The following ADAMTS2 variants were observed in gnomAD, a reference collection of about 807,000 sequenced individuals.
ADAMTS2 encodes ADAM metallopeptidase with thrombospondin type 1 motif 2.
In ADAMTS2, 50 loss-of-function variants were observed where a neutral mutation model predicts 123.0. The ratio of observed to expected loss-of-function variants is 0.41; its 90% CI spans 0.32 to 0.51. The LOEUF (loss-of-function observed/expected upper bound fraction) is 0.51. ADAMTS2 is among the 20% of genes least tolerant of loss of function. The pLI, the probability that ADAMTS2 is intolerant of heterozygous loss-of-function variation, is 0.35. For synonymous variants in ADAMTS2, 678 were observed against 695.4 expected (o/e 0.98, Z 0.39); for missense variants, 1,494 against 1,705.2 (o/e 0.88, Z 2.18).
intron 2 of ADAMTS2, among the ~76,000 whole-genome samples, chr5:179,294,790 T>C (rs997584063): frequency 6.6e-6 from 1 of 152,242 alleles, no homozygotes; most frequent in African/African-American, 2.4e-5. Flanking sequence ...AATGTCAACA[T>C]TTTCCCTGAA....
At position 179,129,876 on chromosome 5, in the gene ADAMTS2, C is replaced by T. The variant is rs1762928227; in HGVS notation, c.2457+56G>A. On this transcript the variant is annotated intron_variant, in intron 16 of 21. Coordinates refer to ENST00000251582, the MANE Select transcript of ADAMTS2 (RefSeq NM_014244.5). This position sits in a 1 kb window ranked among gnomAD's most constrained non-coding sequence, Gnocchi z 4.1. ...GGCTCAGCGTCCCAGGCACCCCCATCCCTCCCCCAGTGGCCACCCGCACCC... is the reference window on the plus strand; with the variant it reads ...GGCTCAGCGTCCCAGGCACCCCCATTCCTCCCCCAGTGGCCACCCGCACCC... The T allele has an allele frequency of 1.2e-6, 2 of 1,606,102 alleles. No individual in the cohort carries two copies. The highest frequency in any genetic ancestry group is 1.1e-5 in the South Asian group (1 of 90,902).
chr5:179,209,771 G>C (rs1318827090), intron 3 of ADAMTS2, among the ~76,000 whole-genome samples: 1 of 152,174 alleles, frequency 6.6e-6, no homozygotes, highest in Non-Finnish European at 1.5e-5. Flanking sequence ...AAGCCTGACA[G>C]GGGGGTTGAG....
chr5:179,198,435 A>G (rs1300796957), intron 4 of ADAMTS2, among the ~76,000 whole-genome samples: 1 of 152,196 alleles, frequency 6.6e-6, no homozygotes, highest in Non-Finnish European at 1.5e-5. Flanking sequence ...GGCATCCCCA[A>G]GGGGCCTCAG....
At chr5:179,191,690 C>T (rs1561797200) in intron 4 of ADAMTS2, among the ~76,000 whole-genome samples, 1 of 152,138 alleles carries the variant, frequency 6.6e-6, no homozygotes, top group South Asian at 2.1e-4. Flanking sequence ...AGCCCTATCC[C>T]TACCGCTGCC....
rs905982808 is a variant in ADAMTS2 at position 179,179,837 on chromosome 5, G to A, written c.975+1235C>T. Among the ~76,000 whole-genome samples the A allele has an allele frequency of 2.6e-5, 4 of 152,292 alleles. No homozygotes were observed. In the South Asian group the frequency reaches 8.3e-4, roughly 32 times the overall value. On this transcript the variant is annotated intron_variant, in intron 5 of 21. Transcript: ENST00000251582. ...TTTTACATCGTGTGCCTTATAAGTT[G>A]TATGCAGTTTGATTTTATTTTTTGA...
At position 179,121,683 on chromosome 5, in the gene ADAMTS2, C is replaced by A. The variant is rs763966576; in HGVS notation, c.3156G>T (p.Ser1052=). Residue 1052 remains serine, a synonymous_variant, in exon 21 of 22, where the codon TCG becomes TCT. Coordinates refer to ENST00000251582, the MANE Select transcript of ADAMTS2 (RefSeq NM_014244.5). The part of the protein sequence containing the change: ...VQWLSRPDPD[S]PIRKISSKGH... ...TACTTGACGAGATCTTCCGGATGGG[C>A]GAGTCGGGGTCCGGGCGGGACAGCC... The A allele has an allele frequency of 1.3e-6, 2 of 1,598,304 alleles. No homozygotes were observed. The highest frequency in any genetic ancestry group is 1.3e-5 in the African/African-American group (1 of 74,394).
At chr5:179,173,246 T>TAATAATAATAATAATAAA (rs949374832) in intron 5 of ADAMTS2, among the ~76,000 whole-genome samples, 1 of 146,500 alleles carries the variant, frequency 6.8e-6, no homozygotes, top group South Asian at 2.2e-4. Flanking sequence ...ATAATAATAA[T>TAATAATAATAATAATAAA]AAAAACCATG....
chr5:179,252,546 TA>T (rs1765953860), intron 3 of ADAMTS2, among the ~76,000 whole-genome samples: 1 of 152,146 alleles, frequency 6.6e-6, no homozygotes. Context: ...TATTTAAAAG[TA>T]TTTTTTTTAA....
chr5:179,197,373 C>T lies in ADAMTS2; in HGVS notation c.891+10140G>A, dbSNP rs1204623756. ...GAAATGCTTGAAGCCACAAAGGAAG[C>T]TTCAGCCTTGGGCCCAAGCTTTATA... On this transcript the variant is annotated intron_variant, in intron 4 of 21. Transcript: ENST00000251582. This position sits in a 1 kb window ranked among gnomAD's most constrained non-coding sequence, Gnocchi z 4.2. Among the ~76,000 whole-genome samples, 1 of 152,196 alleles carries T rather than the reference C, an allele frequency of 6.6e-6. No individual in the cohort carries two copies. Among genetic ancestry groups the T allele is most frequent in the Non-Finnish European group, 1.5e-5 (1 of 68,030 alleles).
chr5:179,315,039 C>CG (rs1013517735), intron 2 of ADAMTS2, among the ~76,000 whole-genome samples: 1 of 120,748 alleles, frequency 8.3e-6, no homozygotes, highest in African/African-American at 2.8e-5. Flanking sequence ...CCTACACCCA[C>CG]CCCCCCCACA....
Position 179,181,438 on chromosome 5 carries a change from A to T in ADAMTS2, c.892-283T>A, listed in dbSNP as rs578049453. 6.6e-6 allele frequency among the ~76,000 whole-genome samples: 1 copy of T among 152,266 alleles called. No individual in the cohort carries two copies. Among genetic ancestry groups the T allele is most frequent in the South Asian group, 2.1e-4 (1 of 4,814 alleles). Reference sequence around the variant, plus strand: ...TGGGGCCTGAACATGGAACGTGGGCAGGGAAAGCAGCCCTACGCTTGCTGT... The same window carrying T: ...TGGGGCCTGAACATGGAACGTGGGCTGGGAAAGCAGCCCTACGCTTGCTGT... On this transcript the variant is annotated intron_variant, in intron 4 of 21. Transcript: ENST00000251582. This position sits in a 1 kb window ranked among gnomAD's most constrained non-coding sequence, Gnocchi z 4.1.
At chr5:179,301,329 C>G (rs1415133988) in intron 2 of ADAMTS2, among the ~76,000 whole-genome samples, 1 of 152,214 alleles carries the variant, frequency 6.6e-6, no homozygotes. Context: ...CTCTGCTTTT[C>G]CGTGTCTAAA....
intron 2 of ADAMTS2, among the ~76,000 whole-genome samples, chr5:179,286,454 G>A (rs902394493): frequency 2.6e-5 from 4 of 152,084 alleles, no homozygotes; most frequent in Non-Finnish European, 5.9e-5. Flanking sequence ...TGCTCAGGGG[G>A]CTGGGGTGGC....
chr5:179,173,216 TAATAA>T (rs1763861061), intron 5 of ADAMTS2, among the ~76,000 whole-genome samples: 1 of 23,864 alleles, frequency 4.2e-5, no homozygotes, highest in Admixed American at 6.3e-4. Context: ...CATCTCTTAA[TAATAA>T]TAATAATAAT....
rs544769309 is a variant in ADAMTS2 at position 179,188,430 on chromosome 5, G to A, written c.892-7275C>T. ...AGGGGACAGAGGTCTGCTGGCCTCC[G>A]TGGAGGAAGAGTTTAGGCATTGCAT... On this transcript the variant is annotated intron_variant, in intron 4 of 21. Coordinates refer to ENST00000251582, the MANE Select transcript of ADAMTS2 (RefSeq NM_014244.5). The surrounding 1 kb of genome is among the most constrained non-coding windows in gnomAD (Gnocchi z 5.1). Among the ~76,000 whole-genome samples, 10 of 152,326 alleles carry A rather than the reference G, an allele frequency of 6.6e-5. No homozygotes were observed. Among genetic ancestry groups the A allele is most frequent in the East Asian group, 1.9e-4 (1 of 5,174 alleles).
At chr5:179,201,631 C>CAAAAAAAAAAAAA (rs58141791) in intron 4 of ADAMTS2, among the ~76,000 whole-genome samples, 23 of 91,838 alleles carry the variant, frequency 2.5e-4, no homozygotes, top group African/African-American at 8.5e-4. Context: ...ACTAAAAATA[C>CAAAAAAAAAAAAA]AAAAAAAAAA....
intron 2 of ADAMTS2, among the ~76,000 whole-genome samples, chr5:179,300,745 C>A (rs779099099): frequency 6.6e-6 from 1 of 152,198 alleles, no homozygotes; most frequent in Non-Finnish European, 1.5e-5. Context: ...CTCAAAAGTG[C>A]ACTTTAAGGC....
intron 3 of ADAMTS2, among the ~76,000 whole-genome samples, chr5:179,243,628 A>G (rs952620764): frequency 6.6e-6 from 1 of 152,246 alleles, no homozygotes; most frequent in Non-Finnish European, 1.5e-5. Flanking sequence ...GTCCAGTTTC[A>G]CACAACAGAA....
chr5:179,326,465 C>T (rs1266738456), intron 2 of ADAMTS2, among the ~76,000 whole-genome samples: 1 of 143,190 alleles, frequency 7.0e-6, no homozygotes, highest in African/African-American at 2.6e-5. Flanking sequence ...CATCCTACCC[C>T]GGCCTGTGCC....
Sources: allele counts gnomAD v4.1 joint callset (sites outside exome capture counted in the v4.1 genomes callset), GRCh38; gene constraint gnomAD v4.1.1; non-coding constraint Gnocchi (gnomAD v3.1); transcripts MANE v1.5; gene names NCBI Gene and HGNC (gene_info 2026-07-23, HGNC 2026-07-21).